The following IDE variants were observed in gnomAD, a reference collection of about 807,000 sequenced individuals.
IDE encodes the protein insulin-degrading enzyme.
In IDE, 58 loss-of-function variants were observed where a neutral mutation model predicts 133.2. The ratio of observed to expected loss-of-function variants is 0.44; its 90% CI spans 0.35 to 0.54. The LOEUF (loss-of-function observed/expected upper bound fraction) is 0.54, where lower values mean the gene tolerates loss of function less well. Among genes scored for constraint, IDE ranks in the 20% least tolerant of loss-of-function variants. The pLI is 0.00. For missense variants in IDE, 981 were observed against 1,234.0 expected, an observed-to-expected ratio of 0.79 and a Z score of 3.07; for synonymous variants, 396 against 421.3, an observed-to-expected ratio of 0.94 and a Z score of 0.73.
At chr10:92,563,176 G>A (rs973537665) in intron 1 of IDE, among the ~76,000 whole-genome samples, 36 of 152,142 alleles carry the variant, frequency 2.4e-4, no homozygotes, top group Admixed American at 2.1e-3. Flanking sequence ...GCTTGAACCC[G>A]GGACGCGGAG....
intron 2 of IDE, among the ~76,000 whole-genome samples, chr10:92,536,012 G>A (rs971066023): frequency 4.0e-5 from 6 of 151,786 alleles, no homozygotes; most frequent in Non-Finnish European, 7.4e-5. Context: ...CTCCAGCCTC[G>A]GCAACAGAGT....
chr10:92,479,930 T>C (rs929508273), intron 14 of IDE, among the ~76,000 whole-genome samples: 3 of 152,156 alleles, frequency 2.0e-5, no homozygotes, highest in African/African-American at 7.2e-5. Flanking sequence ...CCTGTGAAAA[T>C]GTTAGCTTAT....
chr10:92,558,481 C>T (rs529520301), intron 1 of IDE, among the ~76,000 whole-genome samples: 1 of 152,350 alleles, frequency 6.6e-6, no homozygotes, highest in East Asian at 1.9e-4. Flanking sequence ...CAAAATTTAA[C>T]ACTTTCTGCT....
chr10:92,519,686 C>T (rs572980391), intron 4 of IDE, among the ~76,000 whole-genome samples: 32 of 152,322 alleles, frequency 2.1e-4, no homozygotes, highest in Middle Eastern at 3.4e-3. Flanking sequence ...CAATCCCTGA[C>T]TCTCCTTCAT....
At chr10:92,462,056 C>T (rs1028247921) in intron 21 of IDE, among the ~76,000 whole-genome samples, 5 of 152,076 alleles carry the variant, frequency 3.3e-5, no homozygotes, top group Admixed American at 6.5e-5. Context: ...TGGCTCATGC[C>T]TATAATCCCA....
chr10:92,488,932 T>TAAAAA (rs56377277), intron 12 of IDE, among the ~76,000 whole-genome samples: 1 of 78,972 alleles, frequency 1.3e-5, no homozygotes, highest in Admixed American at 1.6e-4. Context: ...TTTCATTATT[T>TAAAAA]AAAAAAAAAA....
At chr10:92,561,974 TATA>T (rs1465229651) in intron 1 of IDE, among the ~76,000 whole-genome samples, 1 of 152,124 alleles carries the variant, frequency 6.6e-6, no homozygotes, top group Non-Finnish European at 1.5e-5. Flanking sequence ...GGATCACAAA[TATA>T]ATGTTTACAA....
chr10:92,476,146 G>T, intron 15 of IDE, 152 bp from the exon 16 acceptor site: 1 of 524,750 alleles, frequency 1.9e-6, no homozygotes, highest in Non-Finnish European at 3.3e-6. Flanking sequence ...TATATATAGT[G>T]TAACACTTAG....
At chr10:92,506,973 T>G (rs998556303) in intron 9 of IDE, among the ~76,000 whole-genome samples, 1 of 152,182 alleles carries the variant, frequency 6.6e-6, no homozygotes, top group Non-Finnish European at 1.5e-5. Flanking sequence ...CTTTAAACTT[T>G]TATCTAGTTA....
chr10:92,493,448 G>A (rs3781237), intron 11 of IDE, among the ~76,000 whole-genome samples: 15,007 of 150,936 alleles, frequency 0.099, 869 homozygotes, highest in South Asian at 0.17. Flanking sequence ...CTGGAGTGGA[G>A]TGGACTTGCC....
chr10:92,565,929 T>TTAGTA (rs1173140774), intron 1 of IDE, among the ~76,000 whole-genome samples: 1 of 152,000 alleles, frequency 6.6e-6, no homozygotes, highest in African/African-American at 2.4e-5. Flanking sequence ...AATTCATATC[T>TTAGTA]CGCTAAGCCA....
At chr10:92,500,294 T>C (rs1047758416) in intron 11 of IDE, among the ~76,000 whole-genome samples, 18 of 144,402 alleles carry the variant, frequency 1.2e-4, no homozygotes, top group African/African-American at 3.9e-4. Context: ...TGAAACTCCA[T>C]CTCAAAAAAA....
At chr10:92,489,804 T>A (rs1406901324) in intron 12 of IDE, among the ~76,000 whole-genome samples, 2 of 152,200 alleles carry the variant, frequency 1.3e-5, no homozygotes, top group African/African-American at 4.8e-5. Flanking sequence ...GGTACATTTT[T>A]AAAATGTCCA....
intron 11 of IDE, among the ~76,000 whole-genome samples, chr10:92,493,067 T>C (rs1847457308): frequency 6.6e-6 from 1 of 152,164 alleles, no homozygotes; most frequent in Non-Finnish European, 1.5e-5. Flanking sequence ...TACAGAGGAA[T>C]CAGAGGATTT....
At chr10:92,460,293 G>A (rs968498296) in intron 22 of IDE, among the ~76,000 whole-genome samples, 2 of 152,184 alleles carry the variant, frequency 1.3e-5, no homozygotes, top group Non-Finnish European at 2.9e-5. Flanking sequence ...AGCAGCCACA[G>A]TGGCACCTAA....
chr10:92,467,093 G>A (rs1019644087), intron 19 of IDE, among the ~76,000 whole-genome samples: 3 of 151,762 alleles, frequency 2.0e-5, no homozygotes, highest in African/African-American at 7.3e-5. Flanking sequence ...CTTTTCACTT[G>A]AGACAGTCTG....
intron 1 of IDE, chr10:92,541,206 C>T (rs570208293): frequency 6.3e-4 from 189 of 300,160 alleles, no homozygotes; most frequent in Non-Finnish European, 1.0e-3. Context: ...CATTTTCAAA[C>T]AAAACCTATT....
intron 4 of IDE, among the ~76,000 whole-genome samples, chr10:92,528,490 A>C (rs1413881285): frequency 1.3e-5 from 2 of 152,002 alleles, no homozygotes; most frequent in African/African-American, 2.4e-5. Flanking sequence ...TATAAGGGAA[A>C]GTGCCAGACT....
intron 12 of IDE, among the ~76,000 whole-genome samples, chr10:92,489,327 G>A (rs917711275): frequency 6.6e-6 from 1 of 152,100 alleles, no homozygotes; most frequent in Non-Finnish European, 1.5e-5. Context: ...TGAGGCAGGC[G>A]GATCACAAGG....
Sources: allele counts gnomAD v4.1 joint callset (sites outside exome capture counted in the v4.1 genomes callset), GRCh38; gene constraint gnomAD v4.1.1; transcripts MANE v1.5; gene names NCBI Gene and HGNC (gene_info 2026-07-23, HGNC 2026-07-21).